Variants in PABPC1 observed in about 807,000 individuals in gnomAD.
PABPC1 encodes poly(A) binding protein cytoplasmic 1.
A neutral mutation model predicts 74.0 loss-of-function variants in PABPC1; 4 were observed. The ratio of observed to expected loss-of-function variants is 0.05; its 90% confidence interval spans 0.03 to 0.12. PABPC1 has a LOEUF of 0.12. PABPC1 is among the 10% of genes least tolerant of loss of function. The pLI is 1.00. For missense variants in PABPC1, 271 were observed against 821.1 expected, an observed-to-expected ratio of 0.33 and a Z score of 8.19; for synonymous variants, 227 against 264.1, an observed-to-expected ratio of 0.86 and a Z score of 1.36.
At chr8:100,719,884 C>T (rs1304987346) in intron 1 of PABPC1, among the ~76,000 whole-genome samples, 1 of 152,196 alleles carries the variant, frequency 6.6e-6, no homozygotes, top group African/African-American at 2.4e-5. Context: ...CTAAGGTTGA[C>T]AAGAACTGTT....
chr8:100,720,843 G>A (rs1470969730), intron 1 of PABPC1, among the ~76,000 whole-genome samples: 2 of 152,176 alleles, frequency 1.3e-5, no homozygotes, highest in Admixed American at 6.5e-5. Context: ...ATCGCCACAG[G>A]AACTTTATCC....
intron 8 of PABPC1, 105 bp downstream of exon 8, chr8:100,709,354 T>A: frequency 6.7e-7 from 1 of 1,483,866 alleles, no homozygotes; most frequent in South Asian, 1.2e-5. Context: ...CAATCATAAT[T>A]CCCCTTTCTT....
intron 13 of PABPC1, 60 bp downstream of exon 13, chr8:100,704,866 C>A: frequency 6.4e-7 from 1 of 1,553,140 alleles, no homozygotes; most frequent in Non-Finnish European, 8.8e-7. Flanking sequence ...CAATTAAGTC[C>A]CCATAAAAAG....
chr8:100,718,607 A>ATCCAAATTCCTTCACATACAATC (rs1296705178), intron 1 of PABPC1, among the ~76,000 whole-genome samples: 1 of 152,234 alleles, frequency 6.6e-6, no homozygotes, highest in Non-Finnish European at 1.5e-5. Context: ...AGTTATCAAA[A>ATCCAAATTCCTTCACATACAATC]TCCAAATTCC....
chr8:100,706,140 C>A (rs113576614), intron 11 of PABPC1, among the ~76,000 whole-genome samples: 7,592 of 152,238 alleles, frequency 0.05, 623 homozygotes, highest in African/African-American at 0.17. Flanking sequence ...TGAGCCACCA[C>A]GCCTGGCCCA....
chr8:100,703,338 C>G lies in PABPC1; in HGVS notation c.*23G>C, dbSNP rs1349724335. 1 of 157,534 alleles carries G rather than the reference C, an allele frequency of 6.3e-6. No homozygotes were observed. Among genetic ancestry groups the G allele is most frequent in the East Asian group, 1.9e-4 (1 of 5,200 alleles). 9.8% of individuals were successfully genotyped at this position (157,534 alleles called of 1,614,324 possible). ...TTTTTCTTCGGTGAAGCACAAGTTT[C>G]TTTTCATGGTCCCTGATCAATCTGT... is the stretch of plus-strand genomic sequence containing the variant. On this transcript the variant is annotated 3_prime_UTR_variant, in exon 15 of 15. Coordinates refer to ENST00000318607, the MANE Select transcript of PABPC1 (RefSeq NM_002568.4).
In PABPC1 at chr8:100,721,364, C is replaced by T. The variant is rs766406194; in HGVS notation, c.193+27G>A. On this transcript the variant is annotated intron_variant, in intron 1 of 14. Transcript: ENST00000318607. The surrounding 1 kb of genome is among the most constrained non-coding windows in gnomAD (Gnocchi z 7.4). ...CGAGCCTCATGGCCGCCCGCCCGCCCGGCCGACCGCGGAGCCCGGCGCTCA... is the reference window on the plus strand; with the variant it reads ...CGAGCCTCATGGCCGCCCGCCCGCCTGGCCGACCGCGGAGCCCGGCGCTCA... 17 of 1,408,548 alleles carry T rather than the reference C, an allele frequency of 1.2e-5. No individual in the cohort carries two copies. Among genetic ancestry groups the T allele is most frequent in the African/African-American group, 1.5e-5 (1 of 67,988 alleles). 87.3% of individuals were successfully genotyped at this position (1,408,548 alleles called of 1,614,324 possible).
chr8:100,705,450 C>A (rs1810355214), intron 12 of PABPC1, 139 bp downstream of exon 12: 1 of 717,094 alleles, frequency 1.4e-6, no homozygotes. Context: ...ATTAGGCAGA[C>A]CAACTGTACT....
chr8:100,713,436 G>A (rs935192287), intron 4 of PABPC1, among the ~76,000 whole-genome samples: 1 of 152,074 alleles, frequency 6.6e-6, no homozygotes, highest in African/African-American at 2.4e-5. Context: ...GCTGTAAAAA[G>A]TTTTATTCTC....
intron 7 of PABPC1, among the ~76,000 whole-genome samples, 176 bp downstream of exon 7, chr8:100,712,186 G>C (rs1810545455): frequency 1.3e-5 from 2 of 152,222 alleles, no homozygotes. Context: ...TTCAGTGCTT[G>C]CCATTTTTAA....
chr8:100,715,744 C>A, intron 3 of PABPC1, 143 bp from the exon 4 acceptor site: 73 of 488,970 alleles, frequency 1.5e-4, no homozygotes, highest in Middle Eastern at 4.0e-4. Context: ...GAAATAGGGC[C>A]ATAATTTAAG....
At chr8:100,718,659 C>T (rs145043915) in intron 1 of PABPC1, among the ~76,000 whole-genome samples, 301 of 152,254 alleles carry the variant, frequency 2.0e-3, no homozygotes, top group African/African-American at 6.7e-3. Flanking sequence ...AAAGACATTA[C>T]GCAACAGATT....
chr8:100,720,548 G>A (rs1301274762), intron 1 of PABPC1, among the ~76,000 whole-genome samples: 2 of 152,090 alleles, frequency 1.3e-5, no homozygotes, highest in Non-Finnish European at 2.9e-5. Flanking sequence ...AAAACGACAG[G>A]AACTATTTCA....
Position 100,717,462 on chromosome 8 carries a change from T to C in PABPC1, c.503+311A>G, listed in dbSNP as rs531402825. On this transcript the variant is annotated intron_variant, in intron 3 of 14. Coordinates refer to ENST00000318607, the MANE Select transcript of PABPC1 (RefSeq NM_002568.4). ...TGATTTTTCACTAATGCACTCATTTTGAAAAAGCTACATTTTTCTGTTTAC... is the reference window on the plus strand; with the variant it reads ...TGATTTTTCACTAATGCACTCATTTCGAAAAAGCTACATTTTTCTGTTTAC... 3.3e-5 allele frequency among the ~76,000 whole-genome samples: 5 copies of C among 152,358 alleles called. No homozygotes were observed. In the East Asian group the frequency reaches 9.6e-4, roughly 29 times the overall value.
At chr8:100,713,494 T>C (rs1322843332) in intron 4 of PABPC1, among the ~76,000 whole-genome samples, 7 of 152,184 alleles carry the variant, frequency 4.6e-5, no homozygotes, top group Admixed American at 4.6e-4. Context: ...ATTTGATTTT[T>C]TCCCTTTTCT....
At chr8:100,710,679 A>G (rs976754100) in intron 7 of PABPC1, among the ~76,000 whole-genome samples, 5 of 152,244 alleles carry the variant, frequency 3.3e-5, no homozygotes, top group South Asian at 2.1e-4. Flanking sequence ...TTCGAAGAAA[A>G]TATTTCCAAT....
intron 11 of PABPC1, 69 bp from the exon 12 acceptor site, chr8:100,705,742 T>C: frequency 2.0e-6 from 2 of 981,996 alleles, no homozygotes; most frequent in Non-Finnish European, 3.2e-6. Flanking sequence ...TAGTCATCAA[T>C]GGACATCTGC....
intron 14 of PABPC1, 63 bp downstream of exon 14, chr8:100,704,234 A>C: frequency 7.8e-7 from 1 of 1,279,302 alleles, no homozygotes; most frequent in South Asian, 1.2e-5. Flanking sequence ...AAATATGCTC[A>C]ACAAACTTTA....
Position 100,721,674 on chromosome 8 carries a change from A to T in PABPC1, c.-91T>A. 1,179 of 370,856 alleles carry T rather than the reference A, an allele frequency of 3.2e-3. No homozygotes were observed. Among genetic ancestry groups the T allele is most frequent in the East Asian group, 4.9e-3 (47 of 9,510 alleles). 23.0% of individuals were successfully genotyped at this position (370,856 alleles called of 1,614,324 possible). On this transcript the variant is annotated 5_prime_UTR_variant, in exon 1 of 15. Coordinates refer to ENST00000318607, the MANE Select transcript of PABPC1 (RefSeq NM_002568.4). The surrounding 1 kb of genome is among the most constrained non-coding windows in gnomAD (Gnocchi z 7.4). Reference sequence around the variant, plus strand: ...GGGGCTGGGGGCCGGAGCCGGGGGGAGGGGAGCGGGGAGCAAGCGCAGAGG... The same window carrying T: ...GGGGCTGGGGGCCGGAGCCGGGGGGTGGGGAGCGGGGAGCAAGCGCAGAGG...
Sources: allele counts gnomAD v4.1 joint callset (sites outside exome capture counted in the v4.1 genomes callset), GRCh38; gene constraint gnomAD v4.1.1; non-coding constraint Gnocchi (gnomAD v3.1); transcripts MANE v1.5; gene names NCBI Gene and HGNC (gene_info 2026-07-23, HGNC 2026-07-21).